ZNF99: variants seen among roughly 807,000 people sequenced by gnomAD.
ZNF99 encodes the protein zinc finger protein ENSP00000375192.
A neutral mutation model predicts 12.8 loss-of-function variants in ZNF99; 8 were observed. The observed-to-expected ratio is 0.62, with a 90% CI of 0.37 to 1.13. The LOEUF is 1.13. ZNF99 is among the 50% of genes most tolerant of loss of function. ZNF99 has a pLI of 0.02. For missense variants in ZNF99, 1,007 were observed against 1,006.2 expected, an observed-to-expected ratio of 1.00 and a Z score of -0.01; for synonymous variants, 318 against 319.0, an observed-to-expected ratio of 1.00 and a Z score of 0.03.
chr19:22,766,286 A>G (rs1319496672), intron 3 of ZNF99, among the ~76,000 whole-genome samples: 5 of 151,016 alleles, frequency 3.3e-5, no homozygotes, highest in Non-Finnish European at 5.9e-5. Context: ...AATATGTAAA[A>G]AAAAAAAAAA....
chr19:22,761,462 C>G (rs1381768805), intron 3 of ZNF99, among the ~76,000 whole-genome samples: 3 of 152,120 alleles, frequency 2.0e-5, no homozygotes, highest in Non-Finnish European at 4.4e-5. Flanking sequence ...CATATATGCA[C>G]CTAACACTGA....
chr19:22,769,489 T>C (rs11665881), intron 1 of ZNF99, among the ~76,000 whole-genome samples, 165 bp from the exon 2 acceptor site: 53,594 of 151,670 alleles, frequency 0.35, 9,989 homozygotes, highest in African/African-American at 0.5. Flanking sequence ...TCGTCTCGGC[T>C]GGGCGCAGTG....
At position 22,782,665 on chromosome 19, in the gene ZNF99, T is replaced by C. The variant is rs1487915974; in HGVS notation, c.3+1349A>G. On this transcript the variant is annotated intron_variant, in intron 1 of 3. Transcript: ENST00000596209. The stretch of plus-strand genomic sequence containing the variant: ...GCATGAACCACCGCACCTGGCCTTT[T>C]TTTTTTTTTTTTTTTTTTTAATATG... 1.9e-3 allele frequency among the ~76,000 whole-genome samples: 260 copies of C among 140,344 alleles called. 2 individuals carry two copies. The highest frequency in any genetic ancestry group is 6.6e-3 in the African/African-American group (246 of 37,546). The allele number at this position is 140,344 out of a possible 152,430, so 92.1% of individuals were successfully genotyped here.
chr19:22,755,549 G>C lies in ZNF99; in HGVS notation c.*1765C>G, dbSNP rs1315672535. The C allele has an allele frequency of 3.2e-6, 1 of 308,164 alleles. No individual in the cohort carries two copies. The highest frequency in any genetic ancestry group is 8.3e-5 in the East Asian group (1 of 11,982). The allele number at this position is 308,164 out of a possible 1,614,324, so 19.1% of individuals were successfully genotyped here. A position where few individuals can be genotyped will look rare whatever the true frequency, so the allele number is the denominator to read the frequency against. On this transcript the variant is annotated 3_prime_UTR_variant, in exon 4 of 4. Coordinates refer to ENST00000596209, the MANE Select transcript of ZNF99 (RefSeq NM_001080409.3). The stretch of plus-strand genomic sequence containing the variant: ...TTCACATTTGTAAAGTATCTCTCCA[G>C]TATGAATTATCTTATGTTCAGTAAG...
At chr19:22,780,943 T>C (rs934119662) in intron 1 of ZNF99, among the ~76,000 whole-genome samples, 3 of 152,172 alleles carry the variant, frequency 2.0e-5, no homozygotes, top group Admixed American at 6.5e-5. Flanking sequence ...ATTTTCCCTA[T>C]TTTTCTTCCT....
At position 22,775,682 on chromosome 19, in the gene ZNF99, A is replaced by G. The variant is rs192041864; in HGVS notation, c.4-6358T>C. Among the ~76,000 whole-genome samples, 667 of 152,378 alleles carry G rather than the reference A, an allele frequency of 4.4e-3. 8 individuals carry two copies. Among genetic ancestry groups the G allele is most frequent in the African/African-American group, 0.015 (637 of 41,592 alleles). On this transcript the variant is annotated intron_variant, in intron 1 of 3. Coordinates refer to ENST00000596209, the MANE Select transcript of ZNF99 (RefSeq NM_001080409.3). ...CTTTTGACAAAGGTCTAGTATCTAG[A>G]ATCCATAAAAAACTGAAGTTTACAA...
At chr19:22,783,333 T>C (rs553919077) in intron 1 of ZNF99, among the ~76,000 whole-genome samples, 5 of 151,948 alleles carry the variant, frequency 3.3e-5, no homozygotes, top group African/African-American at 1.2e-4. Context: ...TTTTTGTAAA[T>C]TACTACATTG....
At position 22,759,367 on chromosome 19, in the gene ZNF99, G is replaced by C; in HGVS notation, c.542C>G (p.Ser181Ter). ...KTFKCMKCSK[S>*]FFMLSHLIQH... is the part of the protein sequence containing the mutation. ...AATTAAGTGTGAAAGCATGAAAAATGATTTGCTACATTTCATACATTTGAA... is the reference window on the plus strand; with the variant it reads ...AATTAAGTGTGAAAGCATGAAAAATCATTTGCTACATTTCATACATTTGAA... The change falls in exon 4 of 4, where the codon TCA (serine) becomes TGA (stop). Residue 181 changes from serine to a stop codon, truncating the protein, a stop_gained. Transcript: ENST00000596209. LOFTEE classifies it low-confidence loss of function (END_TRUNC). 6.4e-7 allele frequency: 1 copy of C among 1,552,480 alleles called. No homozygotes were observed.
chr19:22,769,407 G>C, intron 1 of ZNF99, 83 bp from the exon 2 acceptor site: 1 of 1,446,404 alleles, frequency 6.9e-7, no homozygotes, highest in Non-Finnish European at 9.4e-7. Context: ...TGAAATGAGA[G>C]AGTAAAGAGA....
chr19:22,765,714 G>A (rs1159166640), intron 3 of ZNF99, among the ~76,000 whole-genome samples: 2 of 151,638 alleles, frequency 1.3e-5, no homozygotes, highest in African/African-American at 2.4e-5. Context: ...GCCAGGCACA[G>A]TGGCTCATGC....
rs367954341 is a variant in ZNF99 at position 22,784,087 on chromosome 19, G to C, written c.-71C>G. ...AATACCTACAGGTCACAGGGCCACA[G>C]AGGCTAAGGACACAGAGCAGTAAAA... On this transcript the variant is annotated 5_prime_UTR_variant, in exon 1 of 4. Transcript: ENST00000596209. 2.5e-6 allele frequency: 4 copies of C among 1,576,956 alleles called. No homozygotes were observed. Among genetic ancestry groups the C allele is most frequent in the African/African-American group, 1.4e-5 (1 of 73,994 alleles).
intron 1 of ZNF99, among the ~76,000 whole-genome samples, chr19:22,778,385 AATTCTCCCACACCAACTCACTGTCTGAC>A (rs1425229554): frequency 1.3e-5 from 2 of 152,024 alleles, no homozygotes; most frequent in Non-Finnish European, 2.9e-5. Flanking sequence ...AACACCAAGC[AATTCTCCCACACCAACTCACTGTCTGAC>A]ATTCTCCAAC....
Position 22,758,027 on chromosome 19 carries a change from T to C in ZNF99, c.1882A>G (p.Lys628Glu). The C allele has an allele frequency of 6.2e-7, 1 of 1,610,114 alleles. No homozygotes were observed. Among genetic ancestry groups the C allele is most frequent in the Non-Finnish European group, 8.5e-7 (1 of 1,177,280 alleles). Residue 628 changes from lysine to glutamate, a missense_variant, in exon 4 of 4, where the codon AAA (lysine) becomes GAA (glutamate). Physicochemically the swap from Lys to Glu is moderately conservative, Grantham distance 56. Coordinates refer to ENST00000596209, the MANE Select transcript of ZNF99 (RefSeq NM_001080409.3). Reference sequence around the variant, plus strand: ...AGGGTTGAGGACTGGCTAAAAGCTTTGCCACATTCTTCACATTTGTAGGGT... The same window carrying C: ...AGGGTTGAGGACTGGCTAAAAGCTTCGCCACATTCTTCACATTTGTAGGGT... ...KKPYKCEECGKAFSQSSTLRK... is the reference protein window; with the variant it reads ...KKPYKCEECGEAFSQSSTLRK...
At chr19:22,781,432 T>TTC (rs1973386765) in intron 1 of ZNF99, among the ~76,000 whole-genome samples, 1 of 147,164 alleles carries the variant, frequency 6.8e-6, no homozygotes, top group Non-Finnish European at 1.5e-5. Flanking sequence ...TTTTTGTCGT[T>TTC]TGGGACACTA....
At chr19:22,771,066 G>C (rs1973263392) in intron 1 of ZNF99, 1 of 151,486 alleles carries the variant, frequency 6.6e-6, no homozygotes, top group Non-Finnish European at 1.5e-5. Context: ...AGCCTCCCGA[G>C]TAGCTGAGAT....
rs1973069832 is a variant in ZNF99, at chr19:22,756,969, C to T, written c.*345G>A. ...TCTTCACATTTGTATGGTTTCTCCC[C>T]AGTATGAATTATCTTATGTTTCCTA... On this transcript the variant is annotated 3_prime_UTR_variant, in exon 4 of 4. Transcript: ENST00000596209. 1.2e-6 allele frequency: 2 copies of T among 1,612,130 alleles called. No individual in the cohort carries two copies. The highest frequency in any genetic ancestry group is 8.5e-7 in the Non-Finnish European group (1 of 1,179,028).
chr19:22,756,787 T>C lies in ZNF99; in HGVS notation c.*527A>G. The C allele has an allele frequency of 1.9e-6, 3 of 1,612,406 alleles. No individual in the cohort carries two copies. Among genetic ancestry groups the C allele is most frequent in the South Asian group, 1.1e-5 (1 of 91,024 alleles). ...AAAAGCTTTGCCACATTCTTCACAT[T>C]TGTAGGGTTTCTTTCCAGTATAATT... On this transcript the variant is annotated 3_prime_UTR_variant, in exon 4 of 4. Coordinates refer to ENST00000596209, the MANE Select transcript of ZNF99 (RefSeq NM_001080409.3).
intron 1 of ZNF99, among the ~76,000 whole-genome samples, chr19:22,777,476 C>T (rs1376132077): frequency 3.3e-5 from 5 of 152,068 alleles, no homozygotes; most frequent in African/African-American, 4.8e-5. Flanking sequence ...CACCAACTCC[C>T]GACACAATTT....
chr19:22,764,586 C>T (rs149572788), intron 3 of ZNF99, among the ~76,000 whole-genome samples: 4 of 151,912 alleles, frequency 2.6e-5, no homozygotes, highest in African/African-American at 9.7e-5. Flanking sequence ...AATCTATACA[C>T]CTGACAAAGA....
Sources: gnomAD v4.1 joint callset for allele counts (sites outside exome capture counted in the v4.1 genomes callset) on GRCh38, gnomAD v4.1.1 for gene constraint, MANE v1.5 for transcripts, NCBI Gene and HGNC (gene_info 2026-07-23, HGNC 2026-07-21) for gene names.